TSHZ2: variants seen among roughly 807,000 people sequenced by gnomAD.
TSHZ2 encodes the protein teashirt homolog 2.
TSHZ2 carries 21 observed loss-of-function variants against 74.4 expected under a neutral mutation model. That is an observed-to-expected ratio of 0.28 (90% confidence interval 0.20 to 0.41). The LOEUF (loss-of-function observed/expected upper bound fraction) is 0.41. Among genes scored for constraint, TSHZ2 ranks in the 10% least tolerant of loss-of-function variants. The pLI, the probability that TSHZ2 is intolerant of heterozygous loss-of-function variation, is 1.00. For synonymous variants in TSHZ2, 540 were observed against 515.3 expected (o/e 1.05, Z -0.65); for missense variants, 1,244 against 1,293.5 (o/e 0.96, Z 0.59).
At chr20:53,215,901 T>G (rs889555629) in intron 1 of TSHZ2, among the ~76,000 whole-genome samples, 24 of 152,008 alleles carry the variant, frequency 1.6e-4, no homozygotes, top group African/African-American at 5.8e-4. Flanking sequence ...AAAAATGGTT[T>G]CATAGGGATG....
At chr20:53,295,776 G>T (rs77484179) in intron 2 of TSHZ2, among the ~76,000 whole-genome samples, 1 of 152,166 alleles carries the variant, frequency 6.6e-6, no homozygotes, top group African/African-American at 2.4e-5. Flanking sequence ...GGGACAAGAG[G>T]TTAAAAAGTG....
chr20:53,042,663 C>T (rs1984083613), intron 1 of TSHZ2, among the ~76,000 whole-genome samples: 2 of 147,792 alleles, frequency 1.4e-5, no homozygotes, highest in Non-Finnish European at 3.0e-5. Context: ...GACATTTATC[C>T]ATGCTATTAA....
At chr20:53,252,673 C>T (rs1478534497) in intron 1 of TSHZ2, among the ~76,000 whole-genome samples, 1 of 152,166 alleles carries the variant, frequency 6.6e-6, no homozygotes, top group Non-Finnish European at 1.5e-5. Context: ...ATATAATTGG[C>T]ATCTCATGAC....
At chr20:53,180,307 A>G (rs1988439771) in intron 1 of TSHZ2, among the ~76,000 whole-genome samples, 1 of 152,182 alleles carries the variant, frequency 6.6e-6, no homozygotes, top group Admixed American at 6.5e-5. Flanking sequence ...TACTCTATTC[A>G]AACTTTGTTC....
chr20:53,112,030 T>C (rs1234488180), intron 1 of TSHZ2, among the ~76,000 whole-genome samples: 2 of 152,148 alleles, frequency 1.3e-5, no homozygotes, highest in East Asian at 3.9e-4. Context: ...CCCGGCCTCA[T>C]CAAGAACTGA....
chr20:53,261,983 A>G (rs947398579), intron 2 of TSHZ2, among the ~76,000 whole-genome samples: 3 of 152,204 alleles, frequency 2.0e-5, no homozygotes, highest in Non-Finnish European at 2.9e-5. Context: ...TGGTGGAGGG[A>G]CACACAATCG....
intron 1 of TSHZ2, among the ~76,000 whole-genome samples, chr20:52,980,265 A>G (rs770221279): frequency 1.3e-5 from 2 of 152,190 alleles, no homozygotes; most frequent in Non-Finnish European, 2.9e-5. Context: ...CTTCTTGGCA[A>G]ATGAGAAGCG....
intron 1 of TSHZ2, among the ~76,000 whole-genome samples, chr20:53,187,610 C>T (rs1168547101): frequency 1.3e-5 from 2 of 151,972 alleles, no homozygotes; most frequent in Non-Finnish European, 2.9e-5. Flanking sequence ...TTTTAGCACC[C>T]GACAGGATGT....
intron 1 of TSHZ2, among the ~76,000 whole-genome samples, chr20:53,246,535 C>G (rs541144175): frequency 6.6e-6 from 1 of 152,276 alleles, no homozygotes; most frequent in Non-Finnish European, 1.5e-5. Context: ...TTTTCATGAC[C>G]TCTCTCTCCA....
chr20:53,189,144 T>G (rs1988672613), intron 1 of TSHZ2, among the ~76,000 whole-genome samples: 1 of 152,228 alleles, frequency 6.6e-6, no homozygotes, highest in East Asian at 1.9e-4. Flanking sequence ...CCCCTGAAAT[T>G]CTAAATTCAG....
At chr20:53,001,236 G>GTGTGTGTGTGTGTGTGTA (rs1568713595) in intron 1 of TSHZ2, among the ~76,000 whole-genome samples, 10 of 108,254 alleles carry the variant, frequency 9.2e-5, no homozygotes, top group South Asian at 2.6e-4. Context: ...GTGTGTGTGT[G>GTGTGTGTGTGTGTGTGTA]TGTGTGTGTG....
At chr20:53,062,230 G>A (rs931047206) in intron 1 of TSHZ2, among the ~76,000 whole-genome samples, 1 of 152,124 alleles carries the variant, frequency 6.6e-6, no homozygotes, top group Non-Finnish European at 1.5e-5. Flanking sequence ...TCCCTACAGG[G>A]CTATTATGAG....
chr20:53,473,556 A>G (rs1357297719), intron 2 of TSHZ2, among the ~76,000 whole-genome samples: 3 of 140,432 alleles, frequency 2.1e-5, no homozygotes, highest in African/African-American at 8.3e-5. Context: ...AAAGATGGGG[A>G]AAAAACAGAA....
intron 2 of TSHZ2, among the ~76,000 whole-genome samples, chr20:53,363,166 C>T (rs768175973): frequency 8.5e-5 from 13 of 152,244 alleles, no homozygotes; most frequent in Non-Finnish European, 1.8e-4. Flanking sequence ...CTCTGCTGCC[C>T]ATGGTGGGCC....
At chr20:53,220,385 G>A (rs1267381729) in intron 1 of TSHZ2, among the ~76,000 whole-genome samples, 1 of 152,210 alleles carries the variant, frequency 6.6e-6, no homozygotes, top group African/African-American at 2.4e-5. Flanking sequence ...GGAAGAATTA[G>A]CCTCACATCT....
intron 1 of TSHZ2, among the ~76,000 whole-genome samples, chr20:53,245,407 C>T (rs1053057249): frequency 6.6e-6 from 1 of 152,160 alleles, no homozygotes; most frequent in African/African-American, 2.4e-5. Flanking sequence ...CTGGGAGCAA[C>T]CATCTAAGCC....
intron 2 of TSHZ2, among the ~76,000 whole-genome samples, chr20:53,393,122 C>T (rs988837724): frequency 1.3e-5 from 2 of 152,176 alleles, no homozygotes; most frequent in Admixed American, 1.3e-4. Context: ...GCCACCACAC[C>T]TGGCCCAATA....
chr20:52,988,596 A>G (rs947348548), intron 1 of TSHZ2, among the ~76,000 whole-genome samples: 5 of 152,206 alleles, frequency 3.3e-5, no homozygotes, highest in Non-Finnish European at 7.3e-5. Flanking sequence ...TTGTAGAAAA[A>G]AAAAAAAAAG....
rs1991440642 is a variant in TSHZ2, at chr20:53,299,552, C to T, written c.*8+42981C>T. On this transcript the variant is annotated intron_variant, in intron 2 of 2. Coordinates refer to ENST00000371497, the MANE Select transcript of TSHZ2 (RefSeq NM_173485.6). The stretch of plus-strand genomic sequence containing the variant: ...TTTTGTTTGTTTGTAATTCTAAGTC[C>T]GATTATTCTCTGCCCCATGCCTTTC... Among the ~76,000 whole-genome samples, 5 of 152,050 alleles carry T rather than the reference C, an allele frequency of 3.3e-5. No individual in the cohort carries two copies. The South Asian group carries it at 8.3e-4, about 25-fold the overall frequency.
Sources: allele counts gnomAD v4.1 joint callset (sites outside exome capture counted in the v4.1 genomes callset), GRCh38; gene constraint gnomAD v4.1.1; transcripts MANE v1.5; gene names NCBI Gene and HGNC (gene_info 2026-07-23, HGNC 2026-07-21).